PPP1R9A: variants seen among roughly 807,000 people sequenced by gnomAD.
PPP1R9A encodes the protein protein phosphatase 1 regulatory subunit 9A.
A neutral mutation model predicts 141.9 loss-of-function variants in PPP1R9A; 59 were observed. That is an observed-to-expected ratio of 0.42 (90% CI 0.34 to 0.52). PPP1R9A has a LOEUF of 0.52. Among genes scored for constraint, PPP1R9A ranks in the 20% least tolerant of loss-of-function variants. The pLI, the probability that PPP1R9A is intolerant of heterozygous loss-of-function variation, is 0.10. For missense variants in PPP1R9A, 1,444 were observed against 1,611.9 expected, an observed-to-expected ratio of 0.90 and a Z score of 1.78; for synonymous variants, 500 against 569.7, an observed-to-expected ratio of 0.88 and a Z score of 1.74.
chr7:95,148,988 A>G (rs1828155004), intron 4 of PPP1R9A, among the ~76,000 whole-genome samples: 1 of 152,106 alleles, frequency 6.6e-6, no homozygotes, highest in African/African-American at 2.4e-5. Flanking sequence ...ATATATACAA[A>G]TATATATCAG....
At chr7:95,196,711 T>C (rs767818940) in intron 5 of PPP1R9A, among the ~76,000 whole-genome samples, 10 of 152,160 alleles carry the variant, frequency 6.6e-5, no homozygotes, top group Non-Finnish European at 1.0e-4. Context: ...TACTCTAAAA[T>C]TCCATTTTTA....
rs1488041692 is a variant in PPP1R9A, at chr7:95,203,797, C to A, written c.1956+67C>A. 13 of 1,178,792 alleles carry A rather than the reference C, an allele frequency of 1.1e-5. No homozygotes were observed. In the African/African-American group the frequency reaches 1.4e-4, roughly 13 times the overall value. The allele number at this position is 1,178,792 out of a possible 1,614,324, so 73.0% of individuals were successfully genotyped here. A position where few individuals can be genotyped will look rare whatever the true frequency, so the allele number is the denominator to read the frequency against. ...TGCTTCATATGTAAAATTAAATATTCTTTGTGTCTTATTAACTATCTGTAT... is the reference window on the plus strand; with the variant it reads ...TGCTTCATATGTAAAATTAAATATTATTTGTGTCTTATTAACTATCTGTAT... On this transcript the variant is annotated intron_variant, in intron 7 of 19. Transcript: ENST00000433360.
At chr7:95,178,827 G>A (rs1401064405) in intron 5 of PPP1R9A, among the ~76,000 whole-genome samples, 1 of 152,080 alleles carries the variant, frequency 6.6e-6, no homozygotes, top group Non-Finnish European at 1.5e-5. Flanking sequence ...CTTAAATCAG[G>A]AAGAATTAGA....
At chr7:94,925,267 A>C (rs1251821481) in intron 2 of PPP1R9A, among the ~76,000 whole-genome samples, 2 of 152,116 alleles carry the variant, frequency 1.3e-5, no homozygotes, top group African/African-American at 2.4e-5. Context: ...TGTTTCAATG[A>C]GGCCCACCCA....
At chr7:95,093,031 G>A (rs140033088) in intron 2 of PPP1R9A, among the ~76,000 whole-genome samples, 3 of 152,264 alleles carry the variant, frequency 2.0e-5, no homozygotes, top group East Asian at 3.9e-4. Flanking sequence ...TTACCTTCCC[G>A]ATATCAATAT....
intron 2 of PPP1R9A, among the ~76,000 whole-genome samples, chr7:95,072,173 A>G (rs1285748473): frequency 6.7e-6 from 1 of 149,490 alleles, no homozygotes; most frequent in Non-Finnish European, 1.5e-5. Context: ...TTCTTTTTAA[A>G]GGGAAACTGT....
intron 12 of PPP1R9A, among the ~76,000 whole-genome samples, chr7:95,253,624 A>G (rs914120901): frequency 6.6e-6 from 1 of 152,156 alleles, no homozygotes; most frequent in African/African-American, 2.4e-5. Context: ...GGTTGATATT[A>G]CTGTGCATAT....
At chr7:94,908,794 G>GA (rs550837727) in intron 1 of PPP1R9A, among the ~76,000 whole-genome samples, 294 of 152,124 alleles carry the variant, frequency 1.9e-3, no homozygotes, top group Non-Finnish European at 3.3e-3. Flanking sequence ...TACAAAAAAA[G>GA]AAAAAAACAG....
At chr7:95,222,821 G>A (rs746946672) in intron 7 of PPP1R9A, among the ~76,000 whole-genome samples, 10 of 151,624 alleles carry the variant, frequency 6.6e-5, no homozygotes, top group East Asian at 1.9e-4. Flanking sequence ...CTAATTTTGC[G>A]GTTTACAACA....
At chr7:95,077,838 G>T (rs537991342) in intron 2 of PPP1R9A, among the ~76,000 whole-genome samples, 2 of 152,228 alleles carry the variant, frequency 1.3e-5, no homozygotes, top group African/African-American at 4.8e-5. Flanking sequence ...GCAGATTTGA[G>T]TCAGTGCCTT....
intron 4 of PPP1R9A, among the ~76,000 whole-genome samples, chr7:95,157,260 C>A (rs1262787926): frequency 1.3e-5 from 2 of 152,094 alleles, no homozygotes; most frequent in African/African-American, 4.8e-5. Flanking sequence ...TCCCCCTCTC[C>A]CCCCCCAGAG....
intron 10 of PPP1R9A, among the ~76,000 whole-genome samples, chr7:95,250,890 G>C (rs1798785652): frequency 6.6e-6 from 1 of 151,916 alleles, no homozygotes; most frequent in Non-Finnish European, 1.5e-5. Context: ...TCGGTGTAAT[G>C]TCACGGAGAC....
intron 2 of PPP1R9A, among the ~76,000 whole-genome samples, chr7:95,090,239 TAAAA>T (rs1225912344): frequency 6.6e-6 from 1 of 150,402 alleles, no homozygotes; most frequent in Admixed American, 6.6e-5. Context: ...ACAAGCTTAT[TAAAA>T]AAAAACGCCT....
intron 18 of PPP1R9A, 139 bp from the exon 19 acceptor site, chr7:95,288,394 ACAC>A (rs1239183290): frequency 8.4e-7 from 1 of 1,184,706 alleles, no homozygotes; most frequent in African/African-American, 1.5e-5. Context: ...ATTTTTTCTA[ACAC>A]CACTAGAACC....
intron 2 of PPP1R9A, among the ~76,000 whole-genome samples, chr7:94,959,146 A>T (rs1396123231): frequency 6.6e-6 from 1 of 151,844 alleles, no homozygotes; most frequent in East Asian, 1.9e-4. Context: ...ATTTACTTAG[A>T]TTTATCAAGT....
At chr7:95,282,725 C>T (rs1201051333) in intron 16 of PPP1R9A, among the ~76,000 whole-genome samples, 1 of 152,164 alleles carries the variant, frequency 6.6e-6, no homozygotes, top group Non-Finnish European at 1.5e-5. Flanking sequence ...GTTCCCCCAG[C>T]ATGCTGATCT....
chr7:95,178,906 G>A (rs1833297634), intron 5 of PPP1R9A, among the ~76,000 whole-genome samples: 2 of 151,676 alleles, frequency 1.3e-5, no homozygotes, highest in African/African-American at 2.4e-5. Context: ...ACAAAGAAAT[G>A]TCCAGGACCA....
chr7:95,114,744 T>C (rs1233639063), intron 3 of PPP1R9A, among the ~76,000 whole-genome samples: 2 of 152,084 alleles, frequency 1.3e-5, no homozygotes, highest in Non-Finnish European at 2.9e-5. Context: ...GAAAAAGTTT[T>C]ATCCTTTGGA....
chr7:94,931,541 A>AT (rs1263489694), intron 2 of PPP1R9A, among the ~76,000 whole-genome samples: 1 of 151,724 alleles, frequency 6.6e-6, no homozygotes, highest in Non-Finnish European at 1.5e-5. Context: ...CCTTTTAGGG[A>AT]TTTTTTTTCT....
Sources: gnomAD v4.1 joint callset for allele counts (sites outside exome capture counted in the v4.1 genomes callset) on GRCh38, gnomAD v4.1.1 for gene constraint, MANE v1.5 for transcripts, NCBI Gene and HGNC (gene_info 2026-07-23, HGNC 2026-07-21) for gene names.